Variants in METTL25B observed in about 807,000 individuals in gnomAD.
The protein encoded by METTL25B is methyltransferase like 25B, also known as methyltransferase-like protein 25B.
METTL25B carries 38 observed loss-of-function variants against 48.4 expected under a neutral mutation model. The ratio of observed to expected loss-of-function variants is 0.78; its 90% CI spans 0.61 to 1.03. METTL25B has a LOEUF of 1.03. METTL25B is among the 50% of genes least tolerant of loss of function. The pLI is 0.00. For missense variants in METTL25B, 537 were observed against 603.7 expected (o/e 0.89, Z 1.16); for synonymous variants, 230 against 254.5 (o/e 0.90, Z 0.92).
At position 156,736,826 on chromosome 1, in the gene METTL25B, A is replaced by C; in HGVS notation, c.*73A>C. 499 of 1,450,550 alleles carry C rather than the reference A, an allele frequency of 3.4e-4. No individual in the cohort carries two copies. The highest frequency in any genetic ancestry group is 4.2e-4 in the Non-Finnish European group (449 of 1,070,260). The allele number at this position is 1,450,550 out of a possible 1,614,324, so 89.9% of individuals were successfully genotyped here. ...AGAGCACAGTGGCAGAGTACATCTC[A>C]TCCAGAGAAACAGCATCCTGCATCC... is the stretch of plus-strand genomic sequence containing the variant. On this transcript the variant is annotated 3_prime_UTR_variant, in exon 8 of 8. Coordinates refer to ENST00000368216, the MANE Select transcript of METTL25B (RefSeq NM_015997.4).
rs770255325 is a variant in METTL25B at position 156,729,110 on chromosome 1, G to A, written c.6G>A (p.Pro2=). M[P]GISARGLSHE... ...GCTCCCTGCTGGACCCCGGGATGCC[G>A]GGCATCTCCGCCCGAGGCCTCTCTC... is the stretch of plus-strand genomic sequence containing the variant. Residue 2 remains proline (P), a synonymous_variant, in exon 1 of 8, where the codon CCG becomes CCA. Transcript: ENST00000368216. The A allele has an allele frequency of 8.7e-6, 14 of 1,603,406 alleles. No homozygotes were observed. The highest frequency in any genetic ancestry group is 1.1e-5 in the Non-Finnish European group (13 of 1,174,910).
chr1:156,731,218 G>A (rs1013148384), intron 1 of METTL25B, among the ~76,000 whole-genome samples: 4 of 152,202 alleles, frequency 2.6e-5, no homozygotes, highest in South Asian at 2.1e-4. Flanking sequence ...CTGCCTCCAG[G>A]GTTCCAGTGA....
At position 156,736,745 on chromosome 1, in the gene METTL25B, G is replaced by T; in HGVS notation, c.1420G>T (p.Asp474Tyr). 6.2e-7 allele frequency: 1 copy of T among 1,611,990 alleles called. No homozygotes were observed. Residue 474 changes from aspartate to tyrosine, a missense_variant, in exon 8 of 8, where the codon GAC becomes TAC. Coordinates refer to ENST00000368216, the MANE Select transcript of METTL25B (RefSeq NM_015997.4). ...GQALSVLETE[D>Y]S The stretch of plus-strand genomic sequence containing the variant: ...GGCTCTTTCTGTTCTGGAGACTGAA[G>T]ACAGCTGATGCAGCCTGAGGAAACA...
At chr1:156,735,451 G>C (rs1649668271) in intron 6 of METTL25B, among the ~76,000 whole-genome samples, 1 of 132,202 alleles carries the variant, frequency 7.6e-6, no homozygotes, top group Non-Finnish European at 1.6e-5. Context: ...TATAATCCCA[G>C]CTCTTTGGGA....
At chr1:156,733,178 T>C (rs1409624676) in intron 4 of METTL25B, 131 bp downstream of exon 4, 2 of 1,088,578 alleles carry the variant, frequency 1.8e-6, no homozygotes, top group Non-Finnish European at 2.6e-6. Flanking sequence ...TCTCTTTGCA[T>C]AATTTTTTTT....
rs372214521 is a variant in METTL25B at position 156,729,057 on chromosome 1, C to T, written c.-48C>T. The T allele has an allele frequency of 2.5e-4, 281 of 1,117,906 alleles. 1 individual carries two copies. In the Middle Eastern group the frequency reaches 3.7e-3, roughly 15 times the overall value. 69.2% of individuals were successfully genotyped at this position (1,117,906 alleles called of 1,614,324 possible). A position where few individuals can be genotyped will look rare whatever the true frequency, so the allele number is the denominator to read the frequency against. On this transcript the variant is annotated 5_prime_UTR_variant, in exon 1 of 8. Coordinates refer to ENST00000368216, the MANE Select transcript of METTL25B (RefSeq NM_015997.4). ...GACCCGCGTAGTACTGACCCTGGAT[C>T]CCTGTTCACTGCGTTCTCGCTCCCC...
Position 156,728,653 on chromosome 1 carries a change from C to T in METTL25B, c.-452C>T. On this transcript the variant is annotated 5_prime_UTR_variant, in exon 1 of 8. Coordinates refer to ENST00000368216, the MANE Select transcript of METTL25B (RefSeq NM_015997.4). ...GGGGGCGGGGGCGGGATGCGCTCCC[C>T]GGCCCCTCTAGCCCCGTGGTGGTAC... is the stretch of plus-strand genomic sequence containing the variant. 1 of 986,378 alleles carries T rather than the reference C, an allele frequency of 1.0e-6. No homozygotes were observed. Among genetic ancestry groups the T allele is most frequent in the Non-Finnish European group, 1.2e-6 (1 of 830,292 alleles). 61.1% of individuals were successfully genotyped at this position (986,378 alleles called of 1,614,324 possible).
At chr1:156,730,038 C>T (rs565211713) in intron 1 of METTL25B, among the ~76,000 whole-genome samples, 1 of 152,292 alleles carries the variant, frequency 6.6e-6, no homozygotes, top group East Asian at 1.9e-4. Flanking sequence ...CACCCTAGGC[C>T]AAGCCACCAT....
At chr1:156,731,596 G>T (rs1649292975) in intron 1 of METTL25B, among the ~76,000 whole-genome samples, 1 of 152,210 alleles carries the variant, frequency 6.6e-6, no homozygotes, top group Non-Finnish European at 1.5e-5. Flanking sequence ...ATATAATGCA[G>T]GTTACTAAGT....
At chr1:156,730,878 C>T (rs1039715436) in intron 1 of METTL25B, among the ~76,000 whole-genome samples, 4 of 152,198 alleles carry the variant, frequency 2.6e-5, no homozygotes, top group Non-Finnish European at 4.4e-5. Context: ...GGATCAAATG[C>T]ATTAATACAT....
chr1:156,729,096 G>A lies in METTL25B; in HGVS notation c.-9G>A. 1.3e-6 allele frequency: 2 copies of A among 1,577,184 alleles called. No homozygotes were observed. The highest frequency in any genetic ancestry group is 1.7e-6 in the Non-Finnish European group (2 of 1,153,742). ...TTCTCGCTCCCCGCGCTCCCTGCTG[G>A]ACCCCGGGATGCCGGGCATCTCCGC... On this transcript the variant is annotated 5_prime_UTR_variant, in exon 1 of 8. Transcript: ENST00000368216.
chr1:156,728,609 AGGAGGGGGCGGCGTG>A lies in METTL25B; in HGVS notation c.-493_-479del. 1 of 681,216 alleles carries A rather than the reference AGGAGGGGGCGGCGTG, an allele frequency of 1.5e-6. No homozygotes were observed. Among genetic ancestry groups the A allele is most frequent in the Non-Finnish European group, 1.8e-6 (1 of 566,408 alleles). 42.2% of individuals were successfully genotyped at this position (681,216 alleles called of 1,614,324 possible). ...GTGTGAGGAGCGGCAGTGGCGGCGG[AGGAGGGGGCGGCGTG>A]GGTGGGGGCGGGGGCGGGATGCGCT... On this transcript the variant is annotated 5_prime_UTR_variant, in exon 1 of 8. Transcript: ENST00000368216.
At chr1:156,733,782 C>T (rs1223639784) in intron 5 of METTL25B, 3 of 669,414 alleles carry the variant, frequency 4.5e-6, no homozygotes, top group Non-Finnish European at 7.4e-6. Flanking sequence ...AGACTTGTTA[C>T]AAATAAGAAA....
chr1:156,730,818 C>T (rs935195516), intron 1 of METTL25B, among the ~76,000 whole-genome samples: 3 of 152,218 alleles, frequency 2.0e-5, no homozygotes, highest in Non-Finnish European at 2.9e-5. Context: ...GTTTCTACAT[C>T]TGTAAAATGG....
In METTL25B at chr1:156,728,617, G is replaced by C; in HGVS notation, c.-488G>C. 1.0e-6 allele frequency: 1 copy of C among 985,336 alleles called. No homozygotes were observed. The highest frequency in any genetic ancestry group is 1.2e-6 in the Non-Finnish European group (1 of 829,364). 61.0% of individuals were successfully genotyped at this position (985,336 alleles called of 1,614,324 possible). ...AGCGGCAGTGGCGGCGGAGGAGGGG[G>C]CGGCGTGGGTGGGGGCGGGGGCGGG... On this transcript the variant is annotated 5_prime_UTR_variant, in exon 1 of 8. Transcript: ENST00000368216.
chr1:156,733,182 T>G, intron 4 of METTL25B, 135 bp downstream of exon 4: 1 of 1,088,212 alleles, frequency 9.2e-7, no homozygotes, highest in Non-Finnish European at 1.3e-6. Flanking sequence ...TTTGCATAAT[T>G]TTTTTTAAGC....
At chr1:156,732,591 T>G in intron 3 of METTL25B, 118 bp downstream of exon 3, 1 of 906,226 alleles carries the variant, frequency 1.1e-6, no homozygotes, top group Non-Finnish European at 1.7e-6. Flanking sequence ...AGACATTCCT[T>G]TACCTCAACA....
At position 156,732,376 on chromosome 1, in the gene METTL25B, AATTCCT is replaced by A. The variant is rs776584211; in HGVS notation, c.333_338del (p.Phe112_Leu113del). 2.5e-6 allele frequency: 4 copies of A among 1,614,094 alleles called. No homozygotes were observed. The South Asian group carries it at 4.4e-5, about 18-fold the overall frequency. The stretch of plus-strand genomic sequence containing the variant: ...ATGCCTGGCTTTCAGACCCCCTCAG[AATTCCT>A]GGAGAACCCCAGCCAGAGCTCCCGA... On this transcript the variant is annotated inframe_deletion, in exon 3 of 8. Coordinates refer to ENST00000368216, the MANE Select transcript of METTL25B (RefSeq NM_015997.4).
chr1:156,735,666 A>C, intron 6 of METTL25B, 59 bp from the exon 7 acceptor site: 1 of 1,440,798 alleles, frequency 6.9e-7, no homozygotes, highest in Non-Finnish European at 9.3e-7. Context: ...AGCAAAGTTT[A>C]AGTGAGAGGT....
Sources: gnomAD v4.1 joint callset for allele counts (sites outside exome capture counted in the v4.1 genomes callset) on GRCh38, gnomAD v4.1.1 for gene constraint, MANE v1.5 for transcripts, NCBI Gene and HGNC (gene_info 2026-07-23, HGNC 2026-07-21) for gene names.